ARHGEF7: variants seen among roughly 807,000 people sequenced by gnomAD.
ARHGEF7 encodes the protein Rho guanine nucleotide exchange factor 7.
ARHGEF7 carries 33 observed loss-of-function variants against 109.8 expected under a neutral mutation model. The ratio of observed to expected loss-of-function variants is 0.30; its 90% confidence interval spans 0.23 to 0.40. The LOEUF (loss-of-function observed/expected upper bound fraction) is 0.40, where lower values mean the gene tolerates loss of function less well. ARHGEF7 is among the 10% of genes least tolerant of loss of function. ARHGEF7 has a pLI of 1.00. For synonymous variants in ARHGEF7, 458 were observed against 424.6 expected (o/e 1.08, Z -0.97); for missense variants, 938 against 1,098.5 (o/e 0.85, Z 2.07).
chr13:111,196,387 A>G (rs1232756208), intron 2 of ARHGEF7, among the ~76,000 whole-genome samples: 5 of 152,236 alleles, frequency 3.3e-5, no homozygotes, highest in African/African-American at 1.2e-4. Context: ...CTCGGGCTGC[A>G]GCTAAAGCTG....
At chr13:111,251,725 G>A (rs2089800534) in intron 8 of ARHGEF7, among the ~76,000 whole-genome samples, 1 of 152,216 alleles carries the variant, frequency 6.6e-6, no homozygotes, top group African/African-American at 2.4e-5. Context: ...GCTGGTTGTA[G>A]GCAGCGTCTT....
At chr13:111,223,604 T>G (rs1426080957) in intron 5 of ARHGEF7, among the ~76,000 whole-genome samples, 1 of 152,196 alleles carries the variant, frequency 6.6e-6, no homozygotes, top group East Asian at 1.9e-4. Context: ...GGAATTGTTC[T>G]TGTCAAGGTT....
At chr13:111,220,746 TGAGGAACAGTGCTCTCACTTTGTTCTACC>T (rs1278966515) in intron 5 of ARHGEF7, among the ~76,000 whole-genome samples, 1 of 152,020 alleles carries the variant, frequency 6.6e-6, no homozygotes, top group East Asian at 1.9e-4. Flanking sequence ...ATGGCTCTCA[TGAGGAACAGTGCTCTCACTTTGTTCTACC>T]CGAAGCCACT....
At chr13:111,186,685 C>A in intron 2 of ARHGEF7, 1 of 364,198 alleles carries the variant, frequency 2.7e-6, no homozygotes, top group Non-Finnish European at 3.8e-6. Context: ...CTTTGCAAAC[C>A]ACACTCCAGA....
chr13:111,250,935 A>G (rs1023137464), intron 8 of ARHGEF7, among the ~76,000 whole-genome samples: 1 of 152,152 alleles, frequency 6.6e-6, no homozygotes, highest in Non-Finnish European at 1.5e-5. Flanking sequence ...GCAACCCAAA[A>G]TCTCTCCAAG....
In ARHGEF7 at chr13:111,296,432, A is replaced by G. The variant is rs1321432384; in HGVS notation, c.2311+4138A>G. On this transcript the variant is annotated intron_variant, in intron 19 of 21. Coordinates refer to ENST00000646102, the MANE Select transcript of ARHGEF7 (RefSeq NM_001354046.2). ...CCCCTGAGAGTGGAATGCTTGCTGCAGGATTTTTCAGCACTGGGCAGGCAG... is the reference window on the plus strand; with the variant it reads ...CCCCTGAGAGTGGAATGCTTGCTGCGGGATTTTTCAGCACTGGGCAGGCAG... 2.0e-5 allele frequency among the ~76,000 whole-genome samples: 3 copies of G among 152,322 alleles called. No homozygotes were observed. In the East Asian group the frequency reaches 5.8e-4, roughly 29 times the overall value.
rs776515686 is a variant in ARHGEF7, at chr13:111,283,369, G to C, written c.1950+6G>C. ...CTGCTCTCTGCTACAAGGAGGTGAG[G>C]TCCCTTGACCACTCAAACAGCCAGA... is the stretch of plus-strand genomic sequence containing the variant. On this transcript the variant is annotated splice_donor_region_variant and intron_variant, in intron 16 of 21. Transcript: ENST00000646102. 17 of 1,540,846 alleles carry C rather than the reference G, an allele frequency of 1.1e-5. No individual in the cohort carries two copies. Among genetic ancestry groups the C allele is most frequent in the Non-Finnish European group, 8.7e-6 (10 of 1,147,396 alleles).
chr13:111,212,237 G>A (rs1594770776), intron 4 of ARHGEF7, among the ~76,000 whole-genome samples: 1 of 152,168 alleles, frequency 6.6e-6, no homozygotes, highest in Non-Finnish European at 1.5e-5. Context: ...ACTTGTCTGC[G>A]GTGCCCCTCC....
intron 1 of ARHGEF7, among the ~76,000 whole-genome samples, chr13:111,116,937 GA>G (rs975579868): frequency 6.6e-5 from 10 of 152,292 alleles, no homozygotes; most frequent in African/African-American, 1.9e-4. Flanking sequence ...GCCTGTCCAT[GA>G]AATAAAAATG....
intron 1 of ARHGEF7, among the ~76,000 whole-genome samples, chr13:111,119,921 C>T (rs1012675149): frequency 3.9e-5 from 6 of 152,032 alleles, no homozygotes; most frequent in South Asian, 2.1e-4. Context: ...CACTCAGGCC[C>T]GTGACCTGTA....
intron 2 of ARHGEF7, among the ~76,000 whole-genome samples, chr13:111,202,428 T>C (rs1044044064): frequency 9.9e-5 from 15 of 152,208 alleles, no homozygotes; most frequent in African/African-American, 3.1e-4. Flanking sequence ...GGTCTTAACA[T>C]GTAGCTCCTG....
At position 111,257,778 on chromosome 13, in the gene ARHGEF7, G is replaced by A. The variant is rs148406148; in HGVS notation, c.951-9770G>A. Among the ~76,000 whole-genome samples the A allele has an allele frequency of 4.9e-4, 75 of 152,366 alleles. 2 individuals carry two copies. In the South Asian group the frequency reaches 7.0e-3, roughly 14 times the overall value. On this transcript the variant is annotated intron_variant, in intron 8 of 21. Transcript: ENST00000646102. ...AGAGAAAACCTGTGCACTTCGGAGA[G>A]GGGGAGGGCTCAGTAGTTGTGAGAC...
chr13:111,115,518 G>A lies in ARHGEF7; in HGVS notation c.-9G>A, dbSNP rs1245592570. 3 of 1,333,272 alleles carry A rather than the reference G, an allele frequency of 2.3e-6. No individual in the cohort carries two copies. Among genetic ancestry groups the A allele is most frequent in the South Asian group, 1.5e-5 (1 of 67,432 alleles). 82.6% of individuals were successfully genotyped at this position (1,333,272 alleles called of 1,614,324 possible). A position where few individuals can be genotyped will look rare whatever the true frequency, so the allele number is the denominator to read the frequency against. Reference sequence around the variant, plus strand: ...GCGCCCCTCCCCGCCTGCCTCCCGGGCCGCAGCGATGAATTCCGCCGAGCA... The same window carrying A: ...GCGCCCCTCCCCGCCTGCCTCCCGGACCGCAGCGATGAATTCCGCCGAGCA... On this transcript the variant is annotated 5_prime_UTR_variant, in exon 1 of 22. Transcript: ENST00000646102.
intron 8 of ARHGEF7, among the ~76,000 whole-genome samples, chr13:111,245,081 TCA>T: frequency 6.6e-6 from 1 of 152,202 alleles, no homozygotes; most frequent in Non-Finnish European, 1.5e-5. Context: ...TGACGTGCGG[TCA>T]GGCGCTGTTG....
chr13:111,287,502 T>C, intron 17 of ARHGEF7, among the ~76,000 whole-genome samples: 1 of 152,208 alleles, frequency 6.6e-6, no homozygotes, highest in Admixed American at 6.5e-5. Flanking sequence ...CCTGTTCTCA[T>C]AGAGCCTATG....
intron 5 of ARHGEF7, among the ~76,000 whole-genome samples, chr13:111,229,731 TA>T (rs1275613778): frequency 1.3e-5 from 2 of 152,056 alleles, no homozygotes; most frequent in African/African-American, 4.8e-5. Flanking sequence ...CAGAGAGGAG[TA>T]ACATTTGCTT....
chr13:111,192,698 T>C (rs970636598), intron 2 of ARHGEF7, among the ~76,000 whole-genome samples: 2 of 152,200 alleles, frequency 1.3e-5, no homozygotes, highest in African/African-American at 4.8e-5. Context: ...GAAGGTGATA[T>C]TGTATCCCTA....
intron 12 of ARHGEF7, among the ~76,000 whole-genome samples, chr13:111,276,449 A>G (rs995216009): frequency 2.0e-5 from 3 of 152,222 alleles, no homozygotes; most frequent in Admixed American, 2.0e-4. Context: ...AGAAACCATG[A>G]TTATAAAAAC....
intron 1 of ARHGEF7, among the ~76,000 whole-genome samples, chr13:111,123,680 A>G (rs1317534046): frequency 1.3e-5 from 2 of 152,190 alleles, no homozygotes; most frequent in East Asian, 3.8e-4. Context: ...CTAATCAGAG[A>G]TAATATCTAT....
Sources: gnomAD v4.1 joint callset for allele counts (sites outside exome capture counted in the v4.1 genomes callset) on GRCh38, gnomAD v4.1.1 for gene constraint, MANE v1.5 for transcripts, NCBI Gene and HGNC (gene_info 2026-07-23, HGNC 2026-07-21) for gene names.